Variants in EPHA6 observed in about 807,000 individuals in gnomAD.
EPHA6 encodes the protein ephrin type-A receptor 6.
In EPHA6, 50 loss-of-function variants were observed where a neutral mutation model predicts 112.0. The observed-to-expected ratio is 0.45, with a 90% CI of 0.36 to 0.56. The LOEUF is 0.56. Ranked by LOEUF, EPHA6 falls within the 20% of genes least tolerant of loss-of-function variation. EPHA6 has a pLI of 0.00. For synonymous variants in EPHA6, 529 were observed against 490.7 expected (o/e 1.08, Z -1.03); for missense variants, 1,280 against 1,417.4 (o/e 0.90, Z 1.56).
intron 9 of EPHA6, among the ~76,000 whole-genome samples, chr3:97,482,547 C>CA (rs1353145799): frequency 3.9e-5 from 6 of 152,138 alleles, no homozygotes; most frequent in African/African-American, 1.4e-4. Flanking sequence ...TTAATTTTCT[C>CA]ACGGTCCATA....
chr3:97,493,196 G>A (rs2091896095), intron 10 of EPHA6, among the ~76,000 whole-genome samples: 1 of 151,998 alleles, frequency 6.6e-6, no homozygotes, highest in Non-Finnish European at 1.5e-5. Context: ...AAATGTGTTT[G>A]TGTTTGTATG....
intron 15 of EPHA6, among the ~76,000 whole-genome samples, chr3:97,731,132 C>G (rs1172072427): frequency 2.6e-5 from 4 of 151,952 alleles, no homozygotes; most frequent in Middle Eastern, 3.4e-3. Context: ...CATTTGAAGA[C>G]AGAATGAAAA....
At chr3:97,377,747 C>G (rs952197025) in intron 5 of EPHA6, among the ~76,000 whole-genome samples, 1 of 152,072 alleles carries the variant, frequency 6.6e-6, no homozygotes, top group Non-Finnish European at 1.5e-5. Flanking sequence ...GGCATTTTGC[C>G]CCTGCACTAC....
Position 97,415,608 on chromosome 3 carries a change from A to G in EPHA6, c.1731+10334A>G, listed in dbSNP as rs190820231. ...ATATATCCTTTGATTTAAAAATACT[A>G]CCAGTTTTTTACAGTCTGTATCAGA... On this transcript the variant is annotated intron_variant, in intron 6 of 17. Coordinates refer to ENST00000389672, the MANE Select transcript of EPHA6 (RefSeq NM_001080448.3). 1.8e-4 allele frequency among the ~76,000 whole-genome samples: 27 copies of G among 152,130 alleles called. No individual in the cohort carries two copies. In the East Asian group the frequency reaches 5.2e-3, roughly 29 times the overall value.
At chr3:96,933,804 A>G (rs1329564024) in intron 2 of EPHA6, among the ~76,000 whole-genome samples, 2 of 152,122 alleles carry the variant, frequency 1.3e-5, no homozygotes, top group Non-Finnish European at 2.9e-5. Context: ...TGAACTGAGG[A>G]ATCAGAGAAG....
At chr3:97,641,821 G>A (rs1045027176) in intron 14 of EPHA6, among the ~76,000 whole-genome samples, 1 of 152,190 alleles carries the variant, frequency 6.6e-6, no homozygotes, top group African/African-American at 2.4e-5. Context: ...TGCTAGCACA[G>A]CAGTCTGAGA....
chr3:97,625,369 T>C (rs2093847209), intron 13 of EPHA6, among the ~76,000 whole-genome samples: 1 of 151,828 alleles, frequency 6.6e-6, no homozygotes, highest in African/African-American at 2.4e-5. Context: ...TTCTGTTATT[T>C]ACTTCTTACT....
chr3:97,640,603 T>C (rs1309559199), intron 14 of EPHA6, among the ~76,000 whole-genome samples: 1 of 150,884 alleles, frequency 6.6e-6, no homozygotes, highest in African/African-American at 2.4e-5. Context: ...AAACCCCATC[T>C]CTACTAAAAA....
chr3:97,498,175 C>T (rs1302401952), intron 10 of EPHA6, among the ~76,000 whole-genome samples: 1 of 151,948 alleles, frequency 6.6e-6, no homozygotes, highest in Non-Finnish European at 1.5e-5. Context: ...CCTTCTTTAC[C>T]CCGTTATCTA....
At chr3:97,429,927 T>C (rs1047467536) in intron 6 of EPHA6, among the ~76,000 whole-genome samples, 2 of 152,172 alleles carry the variant, frequency 1.3e-5, no homozygotes, top group Non-Finnish European at 2.9e-5. Flanking sequence ...TTGGCCCCAG[T>C]CAGAGTCTTG....
At chr3:97,399,747 A>G (rs1161732700) in intron 5 of EPHA6, among the ~76,000 whole-genome samples, 1 of 151,620 alleles carries the variant, frequency 6.6e-6, no homozygotes, top group Non-Finnish European at 1.5e-5. Context: ...AGAAATGTCT[A>G]TTTAGATCTT....
intron 11 of EPHA6, among the ~76,000 whole-genome samples, chr3:97,558,384 C>G (rs1045428889): frequency 2.6e-5 from 4 of 151,948 alleles, no homozygotes; most frequent in South Asian, 2.1e-4. Flanking sequence ...CAGTTTCTAC[C>G]TAAAGAGTCA....
intron 16 of EPHA6, among the ~76,000 whole-genome samples, chr3:97,742,188 T>C (rs2035533387): frequency 6.6e-6 from 1 of 152,148 alleles, no homozygotes; most frequent in Admixed American, 6.6e-5. Flanking sequence ...CACAACACTC[T>C]CCTGCTGAGT....
chr3:97,479,362 A>G lies in EPHA6; in HGVS notation c.2072A>G (p.His691Arg). 1 of 1,600,422 alleles carries G rather than the reference A, an allele frequency of 6.2e-7. No homozygotes were observed. ...AGAAGAAACCACTTACAGAATGGGC[A>G]TTGTAAGTAGCGCAGGGACTTTCTT... ...EKRRNHLQNG[H>R]LRFPGIKTYI... is the part of the protein sequence containing the mutation. The change falls in exon 9 of 18, where the codon CAT (histidine) becomes CGT (arginine). Residue 691 changes from histidine to arginine, a missense_variant and splice_region_variant. Coordinates refer to ENST00000389672, the MANE Select transcript of EPHA6 (RefSeq NM_001080448.3).
In EPHA6 at chr3:97,748,680, G is replaced by C. The variant is rs1489244361; in HGVS notation, c.3372G>C (p.Gln1124His). The C allele has an allele frequency of 1.2e-6, 2 of 1,602,394 alleles. No individual in the cohort carries two copies. The highest frequency in any genetic ancestry group is 2.2e-5 in the East Asian group (1 of 44,798). ...TACGTTTACACATGATGCACATACA[G>C]GAGAAGGGATTTCATGTATGAAAGT... ...QTLRLHMMHI[Q>H]EKGFHV is the part of the protein sequence containing the mutation. The change falls in exon 18 of 18, where the codon CAG becomes CAC. Residue 1124 changes from glutamine (Q) to histidine (H), a missense_variant. Transcript: ENST00000389672.
intron 5 of EPHA6, among the ~76,000 whole-genome samples, chr3:97,392,796 T>G (rs554472206): frequency 8.6e-4 from 130 of 151,786 alleles, no homozygotes; most frequent in Non-Finnish European, 1.5e-3. Flanking sequence ...TATTTTAGTT[T>G]TTACCTTTAA....
At chr3:97,710,144 TG>T (rs1165239600) in intron 14 of EPHA6, among the ~76,000 whole-genome samples, 1 of 152,218 alleles carries the variant, frequency 6.6e-6, no homozygotes, top group Non-Finnish European at 1.5e-5. Context: ...TCTCCACCTT[TG>T]GGGGTGAGCC....
intron 12 of EPHA6, among the ~76,000 whole-genome samples, chr3:97,601,417 C>T (rs1478177672): frequency 6.6e-6 from 1 of 152,066 alleles, no homozygotes; most frequent in Admixed American, 6.6e-5. Flanking sequence ...TTGAGCCGCA[C>T]AGGATAGCAT....
intron 3 of EPHA6, among the ~76,000 whole-genome samples, chr3:97,023,935 GA>G (rs2044549613): frequency 6.6e-6 from 1 of 152,062 alleles, no homozygotes; most frequent in African/African-American, 2.4e-5. Context: ...CATTACATAG[GA>G]AAATAAAATG....
Sources: gnomAD v4.1 joint callset for allele counts (sites outside exome capture counted in the v4.1 genomes callset) on GRCh38, gnomAD v4.1.1 for gene constraint, MANE v1.5 for transcripts, NCBI Gene and HGNC (gene_info 2026-07-23, HGNC 2026-07-21) for gene names.